TACR1: variants seen among roughly 807,000 people sequenced by gnomAD.
TACR1 encodes the protein substance-P receptor.
TACR1 carries 25 observed loss-of-function variants against 35.8 expected under a neutral mutation model. That is an observed-to-expected ratio of 0.70 (90% CI 0.51 to 0.98). The LOEUF (loss-of-function observed/expected upper bound fraction) is 0.98, where lower values mean the gene tolerates loss of function less well. Among genes scored for constraint, TACR1 ranks in the 50% least tolerant of loss-of-function variants. The probability of loss-of-function intolerance (pLI) is 0.00; values close to 1 mark genes in which losing one functional copy is unlikely to be tolerated. For missense variants in TACR1, 478 were observed against 522.9 expected (o/e 0.91, Z 0.84); for synonymous variants, 195 against 206.7 (o/e 0.94, Z 0.48).
intron 2 of TACR1, among the ~76,000 whole-genome samples, chr2:75,069,268 G>A (rs1051783142): frequency 6.6e-6 from 1 of 151,898 alleles, no homozygotes; most frequent in African/African-American, 2.4e-5. Context: ...GTCTTTATTA[G>A]CAGTGTGAGA....
At chr2:75,079,862 T>C (rs1350183629) in intron 2 of TACR1, among the ~76,000 whole-genome samples, 6 of 151,714 alleles carry the variant, frequency 4.0e-5, no homozygotes, top group Non-Finnish European at 7.4e-5. Context: ...CCCATGTTGG[T>C]CTTTGGAGTT....
At chr2:75,149,847 G>A (rs920144406) in intron 1 of TACR1, among the ~76,000 whole-genome samples, 1 of 152,034 alleles carries the variant, frequency 6.6e-6, no homozygotes, top group Non-Finnish European at 1.5e-5. Context: ...TCCAGTTTTT[G>A]CCCATTCAGT....
chr2:75,093,790 G>A (rs148172053), intron 2 of TACR1, among the ~76,000 whole-genome samples: 5 of 151,970 alleles, frequency 3.3e-5, no homozygotes, highest in African/African-American at 9.7e-5. Flanking sequence ...CATTTTAAAC[G>A]GAAAAGTTTC....
chr2:75,054,420 CTGGGCTTTAAGAA>C lies in TACR1; in HGVS notation c.585-678_585-666del, dbSNP rs1672533601. 1.4e-4 allele frequency among the ~76,000 whole-genome samples: 21 copies of C among 152,314 alleles called. 1 individual carries two copies. In the South Asian group the frequency reaches 4.4e-3, roughly 32 times the overall value. ...CACATAGCATAAGCCATTTCTAAGA[CTGGGCTTTAAGAA>C]TATATCTTCAGATAGAAGCTGCCTG... On this transcript the variant is annotated intron_variant, in intron 2 of 4. Coordinates refer to ENST00000305249, the MANE Select transcript of TACR1 (RefSeq NM_001058.4).
At chr2:75,086,574 C>G (rs1673193249) in intron 2 of TACR1, among the ~76,000 whole-genome samples, 3 of 152,106 alleles carry the variant, frequency 2.0e-5, no homozygotes, top group Admixed American at 2.0e-4. Flanking sequence ...CAAGAGGAAG[C>G]AAGCCTGATT....
At chr2:75,081,388 C>A (rs1673083535) in intron 2 of TACR1, among the ~76,000 whole-genome samples, 2 of 152,270 alleles carry the variant, frequency 1.3e-5, no homozygotes, top group South Asian at 4.1e-4. Context: ...GACCAAGAAC[C>A]CTCTACCCTC....
intron 1 of TACR1, among the ~76,000 whole-genome samples, chr2:75,124,546 T>A (rs1325813165): frequency 2.0e-5 from 3 of 152,078 alleles, no homozygotes; most frequent in African/African-American, 7.2e-5. Context: ...TAGCTGAGAG[T>A]GTGGCTGCTA....
chr2:75,129,432 A>T (rs750360962), intron 1 of TACR1, among the ~76,000 whole-genome samples: 4 of 152,224 alleles, frequency 2.6e-5, no homozygotes, highest in Non-Finnish European at 5.9e-5. Flanking sequence ...AACATCAAAG[A>T]TGCATTTCTT....
At chr2:75,128,692 G>A (rs1041299140) in intron 1 of TACR1, among the ~76,000 whole-genome samples, 1 of 152,180 alleles carries the variant, frequency 6.6e-6, no homozygotes, top group African/African-American at 2.4e-5. Context: ...TAGCAAGTTT[G>A]TAACACAATG....
chr2:75,130,605 A>T (rs1050242348), intron 1 of TACR1, among the ~76,000 whole-genome samples: 3 of 152,242 alleles, frequency 2.0e-5, no homozygotes, highest in Non-Finnish European at 4.4e-5. Flanking sequence ...GCACACATCA[A>T]ATGAAAAGTT....
At chr2:75,057,666 G>A (rs1390478392) in intron 2 of TACR1, among the ~76,000 whole-genome samples, 1 of 152,230 alleles carries the variant, frequency 6.6e-6, no homozygotes, top group Non-Finnish European at 1.5e-5. Flanking sequence ...AGGTTTACCA[G>A]GAGTTGGAGG....
chr2:75,082,192 T>A (rs1241980978), intron 2 of TACR1, among the ~76,000 whole-genome samples: 1 of 152,198 alleles, frequency 6.6e-6, no homozygotes, highest in Non-Finnish European at 1.5e-5. Flanking sequence ...GTCCTTGTGA[T>A]AGTTTGCTGA....
At chr2:75,163,638 T>C (rs975916399) in intron 1 of TACR1, among the ~76,000 whole-genome samples, 1 of 152,168 alleles carries the variant, frequency 6.6e-6, no homozygotes, top group African/African-American at 2.4e-5. Flanking sequence ...TTCTACAAAG[T>C]TGGTGCACAG....
At chr2:75,081,621 T>C (rs1257127690) in intron 2 of TACR1, among the ~76,000 whole-genome samples, 1 of 152,120 alleles carries the variant, frequency 6.6e-6, no homozygotes, top group Non-Finnish European at 1.5e-5. Context: ...GAAAAGAAAG[T>C]GGGCCAGGAT....
chr2:75,058,643 A>G (rs1672616133), intron 2 of TACR1, among the ~76,000 whole-genome samples: 1 of 152,226 alleles, frequency 6.6e-6, no homozygotes, highest in Non-Finnish European at 1.5e-5. Context: ...TGATGAGCTT[A>G]TCGGAACTTT....
chr2:75,113,849 T>C (rs941441161), intron 2 of TACR1, among the ~76,000 whole-genome samples: 1 of 152,094 alleles, frequency 6.6e-6, no homozygotes, highest in African/African-American at 2.4e-5. Flanking sequence ...TTTTTTTAAA[T>C]TTGTAAAATA....
At chr2:75,108,604 T>C (rs1673694433) in intron 2 of TACR1, among the ~76,000 whole-genome samples, 4 of 152,136 alleles carry the variant, frequency 2.6e-5, no homozygotes, top group Admixed American at 2.0e-4. Flanking sequence ...AACAAAATTA[T>C]TATTACTTAA....
At chr2:75,170,674 G>A (rs909283498) in intron 1 of TACR1, among the ~76,000 whole-genome samples, 2 of 152,194 alleles carry the variant, frequency 1.3e-5, no homozygotes, top group Non-Finnish European at 2.9e-5. Flanking sequence ...CCAGGCTGAG[G>A]TGGTCTCAGA....
chr2:75,106,379 C>A (rs1042112736), intron 2 of TACR1, among the ~76,000 whole-genome samples: 1 of 151,938 alleles, frequency 6.6e-6, no homozygotes, highest in African/African-American at 2.4e-5. Context: ...AATCATGGAA[C>A]CTCTGAAAAA....
Sources: allele counts gnomAD v4.1 joint callset (sites outside exome capture counted in the v4.1 genomes callset), GRCh38; gene constraint gnomAD v4.1.1; transcripts MANE v1.5; gene names NCBI Gene and HGNC (gene_info 2026-07-23, HGNC 2026-07-21).